The following PDE11A variants were observed in gnomAD, a reference collection of about 807,000 sequenced individuals.
PDE11A encodes the protein dual 3',5'-cyclic-AMP and -GMP phosphodiesterase 11A.
A neutral mutation model predicts 100.5 loss-of-function variants in PDE11A; 100 were observed. That is an observed-to-expected ratio of 1.00 (90% CI 0.85 to 1.18). The LOEUF is 1.18. PDE11A is among the 50% of genes most tolerant of loss of function. The probability of loss-of-function intolerance (pLI) is 0.00; values close to 1 mark genes in which losing one functional copy is unlikely to be tolerated. For missense variants in PDE11A, 1,141 were observed against 1,152.6 expected (o/e 0.99, Z 0.15); for synonymous variants, 381 against 420.8 (o/e 0.91, Z 1.16).
chr2:177,786,084 G>C (rs6758297), intron 9 of PDE11A, among the ~76,000 whole-genome samples: 50,464 of 151,858 alleles, frequency 0.33, 8,758 homozygotes, highest in African/African-American at 0.39. Context: ...AGACTGCCTC[G>C]TCAAGTGGGT....
intron 9 of PDE11A, among the ~76,000 whole-genome samples, chr2:177,807,202 C>G (rs10190199): frequency 6.6e-6 from 1 of 151,786 alleles, no homozygotes; most frequent in Non-Finnish European, 1.5e-5. Flanking sequence ...AGGGGAACAA[C>G]AAAAATAATG....
chr2:177,697,824 T>C (rs1404376944), intron 14 of PDE11A, among the ~76,000 whole-genome samples: 2 of 152,186 alleles, frequency 1.3e-5, no homozygotes, highest in Non-Finnish European at 2.9e-5. Flanking sequence ...TCACTACCAG[T>C]GAAGGTTTAA....
chr2:177,991,821 T>C (rs1053188292), intron 2 of PDE11A, among the ~76,000 whole-genome samples: 2 of 151,198 alleles, frequency 1.3e-5, no homozygotes, highest in African/African-American at 4.9e-5. Flanking sequence ...ATAAAGAGCA[T>C]TATCTTCTTC....
intron 10 of PDE11A, among the ~76,000 whole-genome samples, chr2:177,744,813 C>T (rs868113091): frequency 6.6e-6 from 1 of 152,316 alleles, no homozygotes; most frequent in Admixed American, 6.5e-5. Flanking sequence ...CTCTCACACG[C>T]ACATGCACGG....
At chr2:178,041,299 A>G (rs1210391322) in intron 1 of PDE11A, among the ~76,000 whole-genome samples, 1 of 149,942 alleles carries the variant, frequency 6.7e-6, no homozygotes, top group Non-Finnish European at 1.5e-5. Flanking sequence ...GCTGGAGTGC[A>G]GTGGCACAGT....
chr2:178,081,658 T>C (rs972677976), intron 2 of PDE11A, among the ~76,000 whole-genome samples: 15 of 152,160 alleles, frequency 9.9e-5, no homozygotes, highest in Non-Finnish European at 2.1e-4. Context: ...GACACTGACG[T>C]TGGAGGGAGT....
At chr2:177,669,648 G>A (rs894561342) in intron 17 of PDE11A, 81 bp from the exon 18 acceptor site, 2 of 774,706 alleles carry the variant, frequency 2.6e-6, no homozygotes, top group African/African-American at 3.4e-5. Flanking sequence ...TTATGTATTT[G>A]GTGATCCTCA....
At chr2:177,908,308 T>A (rs1286795122) in intron 2 of PDE11A, among the ~76,000 whole-genome samples, 1 of 152,150 alleles carries the variant, frequency 6.6e-6, no homozygotes. Flanking sequence ...TTTCCGGAGA[T>A]AACAAGGCAA....
chr2:177,903,699 A>T (rs1392140482), intron 3 of PDE11A, among the ~76,000 whole-genome samples: 2 of 152,254 alleles, frequency 1.3e-5, no homozygotes, highest in Non-Finnish European at 2.9e-5. Flanking sequence ...CCATAAGTGA[A>T]GAAGGGAAGA....
intron 19 of PDE11A, among the ~76,000 whole-genome samples, chr2:177,660,031 TTTTCTTTCTTTCTTTCTTTCTTTC>T (rs1173068300): frequency 8.0e-6 from 1 of 125,544 alleles, no homozygotes; most frequent in African/African-American, 2.9e-5. Flanking sequence ...GTTACAATCA[TTTTCTTTCTTTCTTTCTTTCTTTC>T]TTTCTTTCTT....
At chr2:178,044,391 T>TTATATGTTTATATATATATAAACTTTATA (rs1302604326) in intron 1 of PDE11A, among the ~76,000 whole-genome samples, 18 of 147,176 alleles carry the variant, frequency 1.2e-4, no homozygotes, top group Admixed American at 2.7e-4. Context: ...TATATAAACT[T>TTATATGTTTATATATATATAAACTTTATA]TATATGTTTA....
intron 10 of PDE11A, among the ~76,000 whole-genome samples, chr2:177,746,932 T>A (rs562616998): frequency 2.0e-5 from 3 of 152,276 alleles, no homozygotes; most frequent in South Asian, 2.1e-4. Flanking sequence ...TGAAATAAGA[T>A]AGATACCAGA....
intron 2 of PDE11A, among the ~76,000 whole-genome samples, chr2:177,950,653 T>C (rs1263019740): frequency 6.6e-6 from 1 of 152,234 alleles, no homozygotes; most frequent in Non-Finnish European, 1.5e-5. Context: ...TTCTCACGCC[T>C]GTAATCCCAG....
At chr2:177,774,149 T>G (rs866532698) in intron 9 of PDE11A, among the ~76,000 whole-genome samples, 13 of 152,224 alleles carry the variant, frequency 8.5e-5, no homozygotes, top group Middle Eastern at 3.2e-3. Flanking sequence ...TCTGACTGGA[T>G]GTAAATACAC....
chr2:177,628,329 G>T lies in PDE11A; in HGVS notation c.*1078C>A, dbSNP rs552520177. On this transcript the variant is annotated 3_prime_UTR_variant, in exon 20 of 20. Transcript: ENST00000286063. ...ATTTCTCAATATAGGGAGCAAAGCA[G>T]CTTTCTAGTCATTACATCTACTTAA... The T allele has an allele frequency of 6.6e-6, 1 of 152,598 alleles. No homozygotes were observed. Among genetic ancestry groups the T allele is most frequent in the Non-Finnish European group, 1.5e-5 (1 of 68,026 alleles). The allele number at this position is 152,598 out of a possible 1,614,324, so 9.5% of individuals were successfully genotyped here.
At chr2:178,085,063 C>CA (rs1476262109) in intron 2 of PDE11A, among the ~76,000 whole-genome samples, 1 of 152,114 alleles carries the variant, frequency 6.6e-6, no homozygotes, top group Non-Finnish European at 1.5e-5. Context: ...ATACTTGGAG[C>CA]AAAACCACAT....
intron 1 of PDE11A, among the ~76,000 whole-genome samples, chr2:178,022,637 A>C (rs1366164397): frequency 6.6e-6 from 1 of 152,144 alleles, no homozygotes; most frequent in African/African-American, 2.4e-5. Context: ...TAAGGAGGAA[A>C]CAGGACTAGT....
At chr2:177,770,800 A>G (rs1179227642) in intron 9 of PDE11A, among the ~76,000 whole-genome samples, 3 of 152,182 alleles carry the variant, frequency 2.0e-5, no homozygotes, top group Non-Finnish European at 4.4e-5. Flanking sequence ...TATGTATGTT[A>G]TATGTTTTAT....
intron 2 of PDE11A, among the ~76,000 whole-genome samples, chr2:178,090,503 A>G (rs1337380255): frequency 6.8e-6 from 1 of 146,370 alleles, no homozygotes; most frequent in Non-Finnish European, 1.5e-5. Flanking sequence ...CTCTCCTCAT[A>G]CTATCTTCTT....
Sources: gnomAD v4.1 joint callset for allele counts (sites outside exome capture counted in the v4.1 genomes callset) on GRCh38, gnomAD v4.1.1 for gene constraint, MANE v1.5 for transcripts, NCBI Gene and HGNC (gene_info 2026-07-23, HGNC 2026-07-21) for gene names.